Variants in C6 observed in about 807,000 individuals in gnomAD.
C6 encodes the protein complement C6.
In C6, 101 loss-of-function variants were observed where a neutral mutation model predicts 112.9. The ratio of observed to expected loss-of-function variants is 0.89; its 90% CI spans 0.76 to 1.06. The LOEUF is 1.06. Among genes scored for constraint, C6 ranks in the 50% least tolerant of loss-of-function variants. The pLI is 0.00. For synonymous variants in C6, 431 were observed against 384.1 expected (o/e 1.12, Z -1.43); for missense variants, 1,202 against 1,104.6 (o/e 1.09, Z -1.25).
At chr5:41,180,149 A>G (rs554788348) in intron 7 of C6, among the ~76,000 whole-genome samples, 3 of 152,314 alleles carry the variant, frequency 2.0e-5, no homozygotes, top group Admixed American at 2.0e-4. Context: ...TTATATTTGT[A>G]TAAGTGCATA....
At chr5:41,201,517 A>G (rs1335016713) in intron 3 of C6, 41 bp downstream of exon 3, 1 of 1,586,050 alleles carries the variant, frequency 6.3e-7, no homozygotes, top group Non-Finnish European at 8.7e-7. Flanking sequence ...AGAGCCCTCT[A>G]TTGTGATTCA....
At chr5:41,232,571 G>T (rs1342730666) in intron 1 of C6, among the ~76,000 whole-genome samples, 3 of 152,044 alleles carry the variant, frequency 2.0e-5, no homozygotes, top group African/African-American at 7.2e-5. Context: ...GTCATACGAG[G>T]TTGTTTTTTA....
At chr5:41,156,374 T>C (rs1746910090) in intron 13 of C6, among the ~76,000 whole-genome samples, 1 of 152,188 alleles carries the variant, frequency 6.6e-6, no homozygotes, top group Admixed American at 6.6e-5. Context: ...TCTATTTTTA[T>C]AGTGTTTATC....
At position 41,155,063 on chromosome 5, in the gene C6, A is replaced by G; in HGVS notation, c.2010T>C (p.Ile670=). ...CAGTTTCAAAGCCAGTAAGGCATGA[A>G]ATTTCAACATCTTCTCCAACCAAGT... The part of the protein sequence containing the change: ...QLYLVGEDVE[I]SCLTGFETVG... The change falls in exon 14 of 18, where the codon ATT becomes ATC. Residue 670 remains isoleucine (I), a synonymous_variant. Transcript: ENST00000337836. The G allele has an allele frequency of 6.2e-7, 1 of 1,613,710 alleles. No individual in the cohort carries two copies.
Position 41,186,053 on chromosome 5 carries a change from A to C in C6, c.726+17T>G. On this transcript the variant is annotated intron_variant, in intron 6 of 17. Coordinates refer to ENST00000337836, the MANE Select transcript of C6 (RefSeq NM_000065.5). ...CACTGACGGTGTTGGAGTTGCCACC[A>C]TGCTAGGCTGTCATACCTCAAAGCC... 6.2e-7 allele frequency: 1 copy of C among 1,613,852 alleles called. No homozygotes were observed. Among genetic ancestry groups the C allele is most frequent in the Non-Finnish European group, 8.5e-7 (1 of 1,179,826 alleles).
chr5:41,247,200 GA>G (rs1291096088), intron 1 of C6, among the ~76,000 whole-genome samples: 3 of 151,344 alleles, frequency 2.0e-5, no homozygotes. Flanking sequence ...TCAGGCAAAG[GA>G]AAAAAAATAA....
intron 1 of C6, among the ~76,000 whole-genome samples, chr5:41,230,237 A>C (rs749488248): frequency 1.1e-4 from 17 of 152,178 alleles, no homozygotes; most frequent in Non-Finnish European, 2.1e-4. Context: ...GAAGATAACC[A>C]TAAGGTCTGA....
intron 6 of C6, among the ~76,000 whole-genome samples, chr5:41,183,775 A>G (rs1203176243): frequency 2.0e-5 from 3 of 152,218 alleles, no homozygotes; most frequent in Non-Finnish European, 2.9e-5. Context: ...TGTGGTACAT[A>G]TGTGCCATGG....
At chr5:41,195,635 A>C (rs1417801879) in intron 5 of C6, among the ~76,000 whole-genome samples, 157 bp downstream of exon 5, 1 of 152,240 alleles carries the variant, frequency 6.6e-6, no homozygotes, top group African/African-American at 2.4e-5. Context: ...TCATGGCCAC[A>C]TACCTCCTGA....
At chr5:41,255,626 A>G (rs1241795110) in intron 1 of C6, among the ~76,000 whole-genome samples, 6 of 152,198 alleles carry the variant, frequency 3.9e-5, no homozygotes, top group Non-Finnish European at 7.3e-5. Context: ...TACAATATGC[A>G]TTCTTATACC....
chr5:41,207,835 C>A (rs1285839687), intron 1 of C6, among the ~76,000 whole-genome samples: 1 of 152,148 alleles, frequency 6.6e-6, no homozygotes, highest in Non-Finnish European at 1.5e-5. Flanking sequence ...AGAAAGTTAA[C>A]AAGGATATCC....
intron 1 of C6, chr5:41,261,072 A>C: frequency 5.1e-6 from 2 of 392,532 alleles, no homozygotes; most frequent in Non-Finnish European, 3.5e-6. Flanking sequence ...ATTCTATAAA[A>C]CTGAACTACT....
chr5:41,178,731 C>G (rs1006620129), intron 7 of C6, among the ~76,000 whole-genome samples: 103 of 152,232 alleles, frequency 6.8e-4, no homozygotes, highest in African/African-American at 2.3e-3. Context: ...CTACCTCAGT[C>G]CTCCAAAGTT....
intron 1 of C6, among the ~76,000 whole-genome samples, chr5:41,242,591 G>A (rs1740786307): frequency 6.6e-6 from 1 of 152,084 alleles, no homozygotes; most frequent in Non-Finnish European, 1.5e-5. Flanking sequence ...CACATTATAT[G>A]GAGAATGTTT....
At chr5:41,161,168 G>T (rs1386946954) in intron 10 of C6, among the ~76,000 whole-genome samples, 1 of 152,128 alleles carries the variant, frequency 6.6e-6, no homozygotes, top group Non-Finnish European at 1.5e-5. Flanking sequence ...GGGAAAACAG[G>T]TTCTAAATGG....
intron 2 of C6, 97 bp from the exon 3 acceptor site, chr5:41,201,811 G>T (rs970594801): frequency 9.7e-6 from 11 of 1,138,956 alleles, no homozygotes; most frequent in Non-Finnish European, 1.3e-5. Flanking sequence ...ACAATAAATA[G>T]AAAAGAAAGA....
intron 8 of C6, among the ~76,000 whole-genome samples, chr5:41,174,834 TAGG>T (rs950114686): frequency 6.6e-6 from 1 of 152,002 alleles, no homozygotes; most frequent in Non-Finnish European, 1.5e-5. Context: ...GGAGAGAGAA[TAGG>T]AGGAGAGAAA....
At chr5:41,175,661 G>C (rs1212680444) in intron 8 of C6, among the ~76,000 whole-genome samples, 1 of 152,190 alleles carries the variant, frequency 6.6e-6, no homozygotes, top group Non-Finnish European at 1.5e-5. Context: ...TACTCATCAA[G>C]TGGGAAATTA....
intron 9 of C6, among the ~76,000 whole-genome samples, chr5:41,162,336 C>T (rs1747598253): frequency 6.6e-6 from 1 of 152,116 alleles, no homozygotes. Flanking sequence ...AGTCACATGG[C>T]TTCTGATAGC....
Sources: gnomAD v4.1 joint callset for allele counts (sites outside exome capture counted in the v4.1 genomes callset) on GRCh38, gnomAD v4.1.1 for gene constraint, MANE v1.5 for transcripts, NCBI Gene and HGNC (gene_info 2026-07-23, HGNC 2026-07-21) for gene names.